The following MYO18B variants were observed in gnomAD, a reference collection of about 807,000 sequenced individuals.
The protein encoded by MYO18B is myosin XVIIIB, also known as unconventional myosin-XVIIIb.
MYO18B carries 204 observed loss-of-function variants against 273.0 expected under a neutral mutation model. The observed-to-expected ratio is 0.75, with a 90% CI of 0.67 to 0.84. The LOEUF is 0.84. Ranked by LOEUF, MYO18B falls within the 40% of genes least tolerant of loss-of-function variation. The pLI, the probability that MYO18B is intolerant of heterozygous loss-of-function variation, is 0.00. For synonymous variants in MYO18B, 1,330 were observed against 1,305.7 expected, an observed-to-expected ratio of 1.02 and a Z score of -0.40; for missense variants, 3,212 against 3,287.6, an observed-to-expected ratio of 0.98 and a Z score of 0.56.
At chr22:25,864,686 T>A (rs2090836473) in intron 21 of MYO18B, among the ~76,000 whole-genome samples, 1 of 152,170 alleles carries the variant, frequency 6.6e-6, no homozygotes, top group Non-Finnish European at 1.5e-5. Flanking sequence ...ACTTTCTTCC[T>A]CTGTAAAATG....
intron 31 of MYO18B, among the ~76,000 whole-genome samples, chr22:25,906,669 A>G (rs1239999095): frequency 6.6e-6 from 1 of 152,140 alleles, no homozygotes; most frequent in African/African-American, 2.4e-5. Flanking sequence ...AGACTGGGTA[A>G]TTTATGCAAA....
intron 28 of MYO18B, chr22:25,896,631 C>T (rs1209413160): frequency 6.6e-6 from 1 of 152,072 alleles, no homozygotes; most frequent in Non-Finnish European, 1.5e-5. Flanking sequence ...TTTTATCTAG[C>T]CTTTCTAGAT....
At chr22:25,848,208 G>T (rs1189423993) in intron 20 of MYO18B, among the ~76,000 whole-genome samples, 1 of 152,162 alleles carries the variant, frequency 6.6e-6, no homozygotes, top group East Asian at 1.9e-4. Context: ...TGCTCAGTTT[G>T]GTTTGGGAGG....
intron 11 of MYO18B, among the ~76,000 whole-genome samples, chr22:25,793,839 AT>A: frequency 6.6e-6 from 1 of 152,314 alleles, no homozygotes; most frequent in East Asian, 1.9e-4. Context: ...TTATCCATTG[AT>A]TTTTAAAAAT....
At chr22:26,015,091 T>C (rs549014868) in intron 42 of MYO18B, among the ~76,000 whole-genome samples, 1 of 152,358 alleles carries the variant, frequency 6.6e-6, no homozygotes, top group East Asian at 1.9e-4. Context: ...TTTGCTTTGG[T>C]TGCAATTGCT....
chr22:25,828,282 G>A (rs2089568618), intron 14 of MYO18B, among the ~76,000 whole-genome samples: 1 of 152,134 alleles, frequency 6.6e-6, no homozygotes, highest in African/African-American at 2.4e-5. Flanking sequence ...GCCCACATGT[G>A]ACTGGCTCCA....
At chr22:25,838,532 A>G (rs1440021072) in intron 17 of MYO18B, among the ~76,000 whole-genome samples, 1 of 152,194 alleles carries the variant, frequency 6.6e-6, no homozygotes, top group African/African-American at 2.4e-5. Flanking sequence ...GTGTATACAA[A>G]TGGTGATTCC....
intron 21 of MYO18B, among the ~76,000 whole-genome samples, chr22:25,854,667 C>T (rs373620660): frequency 4.9e-4 from 74 of 152,302 alleles, no homozygotes; most frequent in East Asian, 3.1e-3. Flanking sequence ...CAATAATTCC[C>T]GATTCCTCCT....
At chr22:25,902,875 T>C in intron 30 of MYO18B, 139 bp downstream of exon 30, 2 of 934,484 alleles carry the variant, frequency 2.1e-6, no homozygotes, top group South Asian at 3.5e-5. Flanking sequence ...TGAATCCCAG[T>C]GTGTCTTAAT....
At chr22:25,843,457 G>A (rs770171618) in intron 17 of MYO18B, among the ~76,000 whole-genome samples, 7 of 152,146 alleles carry the variant, frequency 4.6e-5, no homozygotes, top group Non-Finnish European at 8.8e-5. Context: ...CAGGTGATAC[G>A]TGGTTATATA....
chr22:25,999,209 A>G (rs1189245553), intron 40 of MYO18B, among the ~76,000 whole-genome samples: 1 of 152,142 alleles, frequency 6.6e-6, no homozygotes, highest in East Asian at 1.9e-4. Flanking sequence ...CTGACCCCAT[A>G]ACCTAAACTG....
rs78342477 is a variant in MYO18B at position 25,780,902 on chromosome 22, T to C, written c.2211+704T>C. Among the ~76,000 whole-genome samples, 702 of 152,320 alleles carry C rather than the reference T, an allele frequency of 4.6e-3. 3 individuals are homozygous for C. Among genetic ancestry groups the C allele is most frequent in the African/African-American group, 0.016 (672 of 41,562 alleles). Reference sequence around the variant, plus strand: ...GTCCGCGTGTGACGAACACATGGCCTGTTTGTTCCTATCTCCAAAATCACC... The same window carrying C: ...GTCCGCGTGTGACGAACACATGGCCCGTTTGTTCCTATCTCCAAAATCACC... On this transcript the variant is annotated intron_variant, in intron 9 of 43. Transcript: ENST00000335473.
intron 13 of MYO18B, among the ~76,000 whole-genome samples, chr22:25,824,282 G>C (rs2089403963): frequency 6.6e-6 from 1 of 152,100 alleles, no homozygotes; most frequent in South Asian, 2.1e-4. Context: ...GGTGATAGGT[G>C]GTGGTCGGAA....
chr22:25,762,971 A>T, intron 2 of MYO18B: 2 of 644,150 alleles, frequency 3.1e-6, no homozygotes, highest in Non-Finnish European at 6.0e-6. Context: ...TGTTCATATC[A>T]CAAGGAGAGT....
In MYO18B at chr22:25,876,630, CTTTA is replaced by C. The variant is rs149628857; in HGVS notation, c.4224+326_4224+329del. ...GCTCAATGGGCAGAGTCTTTGAGTC[CTTTA>C]TTTATTTATTTATTTATTTATTTAT... On this transcript the variant is annotated intron_variant, in intron 24 of 43. Coordinates refer to ENST00000335473, the MANE Select transcript of MYO18B (RefSeq NM_032608.7). Among the ~76,000 whole-genome samples, 105,605 of 149,564 alleles carry C rather than the reference CTTTA, an allele frequency of 0.71. 37,590 individuals carry two copies. The highest frequency in any genetic ancestry group is 0.76 in the African/African-American group (30,942 of 40,508).
At position 25,770,162 on chromosome 22, in the gene MYO18B, A is replaced by T; in HGVS notation, c.1565A>T (p.Asp522Val). The change falls in exon 5 of 44, where the codon GAT becomes GTT. Residue 522 changes from aspartate to valine, a missense_variant. Physicochemically the swap from Asp to Val is radical, Grantham distance 152. Transcript: ENST00000335473. ...EAEKVWLAQK[D>V]GFTLATVLKP... ...GAGAAAGTCTGGCTGGCTCAGAAGG[A>T]TGGATTTACTCTTGGTAAGTAGGGG... 1 of 1,613,894 alleles carries T rather than the reference A, an allele frequency of 6.2e-7. No homozygotes were observed.
chr22:26,003,667 A>G (rs1201494999), intron 41 of MYO18B, among the ~76,000 whole-genome samples: 1 of 152,074 alleles, frequency 6.6e-6, no homozygotes, highest in Admixed American at 6.5e-5. Flanking sequence ...CCCGACCTTT[A>G]TGACCTCCGT....
chr22:25,898,596 C>A, intron 29 of MYO18B, 135 bp downstream of exon 29: 1 of 887,890 alleles, frequency 1.1e-6, no homozygotes, highest in Non-Finnish European at 1.7e-6. Context: ...CTCCCTGTCC[C>A]GTCACACCTT....
intron 34 of MYO18B, among the ~76,000 whole-genome samples, chr22:25,938,099 G>A (rs1374759715): frequency 1.3e-5 from 2 of 152,096 alleles, no homozygotes; most frequent in Non-Finnish European, 2.9e-5. Flanking sequence ...TGTTTGTGAT[G>A]CACTATTTTT....
Sources: allele counts gnomAD v4.1 joint callset (sites outside exome capture counted in the v4.1 genomes callset), GRCh38; gene constraint gnomAD v4.1.1; transcripts MANE v1.5; gene names NCBI Gene and HGNC (gene_info 2026-07-23, HGNC 2026-07-21).